The following VWA8 variants were observed in gnomAD, a reference collection of about 807,000 sequenced individuals.
VWA8 encodes the protein von Willebrand factor A domain-containing protein 8.
Under a neutral mutation model 241.5 loss-of-function variants are expected in VWA8, and 221 were observed. The ratio of observed to expected loss-of-function variants is 0.91; its 90% CI spans 0.82 to 1.02. The LOEUF (loss-of-function observed/expected upper bound fraction) is 1.02. Ranked by LOEUF, VWA8 falls within the 50% of genes least tolerant of loss-of-function variation. The pLI is 0.00. For missense variants in VWA8, 2,322 were observed against 2,328.7 expected (o/e 1.00, Z 0.06); for synonymous variants, 852 against 827.1 (o/e 1.03, Z -0.52).
intron 40 of VWA8, among the ~76,000 whole-genome samples, chr13:41,594,590 G>A (rs1217658690): frequency 1.3e-5 from 2 of 152,100 alleles, no homozygotes; most frequent in Non-Finnish European, 2.9e-5. Flanking sequence ...GCAAAAAAAA[G>A]TTGTCAAGAT....
At chr13:41,923,527 A>G (rs1876669423) in intron 2 of VWA8, among the ~76,000 whole-genome samples, 1 of 152,078 alleles carries the variant, frequency 6.6e-6, no homozygotes, top group Admixed American at 6.6e-5. Flanking sequence ...ACCTCAAGTC[A>G]TAGTGTTTCA....
intron 32 of VWA8, among the ~76,000 whole-genome samples, chr13:41,690,861 A>ATAACAT (rs2045172215): frequency 6.6e-6 from 1 of 152,122 alleles, no homozygotes; most frequent in Non-Finnish European, 1.5e-5. Context: ...AATGGGTCAG[A>ATAACAT]TAACATAAAC....
chr13:41,778,089 T>C, intron 19 of VWA8, 33 bp from the exon 20 acceptor site: 1 of 1,540,038 alleles, frequency 6.5e-7, no homozygotes, highest in South Asian at 1.2e-5. Context: ...TTAACTGTTT[T>C]GTACAATCAA....
intron 26 of VWA8, among the ~76,000 whole-genome samples, chr13:41,711,612 T>A (rs9562342): frequency 6.6e-6 from 1 of 152,304 alleles, no homozygotes; most frequent in East Asian, 1.9e-4. Context: ...TGGTGGCTCA[T>A]GCCTGTAATC....
chr13:41,612,135 T>C (rs1396106992), intron 38 of VWA8, among the ~76,000 whole-genome samples: 1 of 152,234 alleles, frequency 6.6e-6, no homozygotes, highest in Non-Finnish European at 1.5e-5. Context: ...AGTATATATT[T>C]GCTAATTAAA....
At chr13:41,694,377 C>T (rs2045201037) in intron 29 of VWA8, among the ~76,000 whole-genome samples, 1 of 152,046 alleles carries the variant, frequency 6.6e-6, no homozygotes, top group East Asian at 1.9e-4. Flanking sequence ...GTTAACCAAG[C>T]TTAAATTTCT....
At chr13:41,599,007 GCCT>G (rs2139652601) in intron 40 of VWA8, among the ~76,000 whole-genome samples, 1 of 152,066 alleles carries the variant, frequency 6.6e-6, no homozygotes, top group Non-Finnish European at 1.5e-5. Context: ...TTTTTCAGTG[GCCT>G]CCTCTACAGG....
chr13:41,624,309 C>T (rs951775924), intron 37 of VWA8, among the ~76,000 whole-genome samples: 1 of 152,152 alleles, frequency 6.6e-6, no homozygotes, highest in Non-Finnish European at 1.5e-5. Context: ...AGGAACTTCT[C>T]CCTAACTCAA....
chr13:41,787,741 T>C (rs1482252364), intron 17 of VWA8, among the ~76,000 whole-genome samples, 198 bp from the exon 18 acceptor site: 2 of 152,202 alleles, frequency 1.3e-5, no homozygotes, highest in Admixed American at 6.5e-5. Flanking sequence ...GTGTGAATTA[T>C]ATGTTTGTGG....
At chr13:41,613,793 G>A (rs746017157) in intron 38 of VWA8, among the ~76,000 whole-genome samples, 1 of 152,148 alleles carries the variant, frequency 6.6e-6, no homozygotes, top group Non-Finnish European at 1.5e-5. Context: ...ATGAAGAAAG[G>A]GGAATCAAAT....
intron 37 of VWA8, among the ~76,000 whole-genome samples, chr13:41,662,807 C>T (rs1422289609): frequency 1.3e-5 from 2 of 151,856 alleles, no homozygotes; most frequent in Non-Finnish European, 2.9e-5. Context: ...TGCCTTATTC[C>T]CAGCATTACA....
chr13:41,839,904 G>A (rs1473915266), intron 12 of VWA8, among the ~76,000 whole-genome samples: 1 of 152,182 alleles, frequency 6.6e-6, no homozygotes, highest in Non-Finnish European at 1.5e-5. Flanking sequence ...CTAATTCTGT[G>A]AAGAAAGACA....
chr13:41,886,485 C>T (rs888748988), intron 7 of VWA8, among the ~76,000 whole-genome samples: 1 of 152,148 alleles, frequency 6.6e-6, no homozygotes, highest in Non-Finnish European at 1.5e-5. Flanking sequence ...CCATTTCAAA[C>T]ACCAATGCTT....
chr13:41,781,642 A>G (rs1264412765), intron 19 of VWA8, among the ~76,000 whole-genome samples: 1 of 152,198 alleles, frequency 6.6e-6, no homozygotes, highest in Non-Finnish European at 1.5e-5. Context: ...CCTTAGGCTT[A>G]TTAAGAGGCT....
intron 37 of VWA8, among the ~76,000 whole-genome samples, chr13:41,635,767 T>C (rs533576005): frequency 6.6e-6 from 1 of 151,944 alleles, no homozygotes; most frequent in East Asian, 1.9e-4. Context: ...AGGAGAAGAG[T>C]CAGAGAAATT....
chr13:41,788,600 C>A (rs1052461029), intron 17 of VWA8, among the ~76,000 whole-genome samples: 1 of 152,168 alleles, frequency 6.6e-6, no homozygotes, highest in African/African-American at 2.4e-5. Flanking sequence ...TCTGAACTTT[C>A]GTCATAGTTC....
intron 2 of VWA8, among the ~76,000 whole-genome samples, chr13:41,917,830 C>A (rs1876330147): frequency 6.6e-6 from 1 of 152,186 alleles, no homozygotes; most frequent in Non-Finnish European, 1.5e-5. Context: ...ATTACCATTT[C>A]ATCACCCCAC....
At chr13:41,838,829 T>C (rs563748342) in intron 12 of VWA8, among the ~76,000 whole-genome samples, 2 of 152,302 alleles carry the variant, frequency 1.3e-5, no homozygotes, top group East Asian at 3.9e-4. Flanking sequence ...CATGAACTCA[T>C]CCTTTCTTAT....
At position 41,620,194 on chromosome 13, in the gene VWA8, T is replaced by G. The variant is rs113394452; in HGVS notation, c.4612-5110A>C. Among the ~76,000 whole-genome samples, 709 of 152,334 alleles carry G rather than the reference T, an allele frequency of 4.7e-3. 10 individuals carry two copies. Among genetic ancestry groups the G allele is most frequent in the African/African-American group, 0.016 (668 of 41,578 alleles). On this transcript the variant is annotated intron_variant, in intron 37 of 44. Transcript: ENST00000379310. ...GATTCAACGTCTTCCTGGTTTAGTC[T>G]TGGGAGGGTGTATATATCTAGGAAT...
Sources: gnomAD v4.1 joint callset for allele counts (sites outside exome capture counted in the v4.1 genomes callset) on GRCh38, gnomAD v4.1.1 for gene constraint, MANE v1.5 for transcripts, NCBI Gene and HGNC (gene_info 2026-07-23, HGNC 2026-07-21) for gene names.